The following FGGY variants were observed in gnomAD, a reference collection of about 807,000 sequenced individuals.
The protein encoded by FGGY is FGGY carbohydrate kinase domain containing.
In FGGY, 72 loss-of-function variants were observed where a neutral mutation model predicts 71.3. The ratio of observed to expected loss-of-function variants is 1.01; its 90% confidence interval spans 0.84 to 1.23. The LOEUF is 1.23. FGGY is among the 50% of genes most tolerant of loss of function. FGGY has a pLI of 0.00. For missense variants in FGGY, 668 were observed against 682.3 expected (o/e 0.98, Z 0.23); for synonymous variants, 251 against 250.3 (o/e 1.00, Z -0.02).
intron 15 of FGGY, among the ~76,000 whole-genome samples, chr1:59,762,092 G>A (rs1291853997): frequency 1.4e-5 from 2 of 143,204 alleles, no homozygotes; most frequent in Non-Finnish European, 3.0e-5. Flanking sequence ...TTTTGATGGA[G>A]TCTGGCTCTT....
At chr1:59,727,760 A>G (rs528680396) in intron 14 of FGGY, among the ~76,000 whole-genome samples, 52 of 152,312 alleles carry the variant, frequency 3.4e-4, no homozygotes, top group Admixed American at 4.6e-4. Context: ...AGCAAAAAGA[A>G]CAAGGCCAGA....
chr1:59,590,488 A>G (rs1192112514), intron 8 of FGGY, among the ~76,000 whole-genome samples: 1 of 152,174 alleles, frequency 6.6e-6, no homozygotes, highest in Admixed American at 6.5e-5. Context: ...ACAACCAAAA[A>G]AGAGAATTTT....
chr1:59,307,148 C>G (rs527456790), intron 1 of FGGY, among the ~76,000 whole-genome samples: 1 of 151,958 alleles, frequency 6.6e-6, no homozygotes, highest in East Asian at 1.9e-4. Context: ...AACACCATCT[C>G]TATAAAAAAT....
At chr1:59,472,187 G>A (rs535350489) in intron 6 of FGGY, among the ~76,000 whole-genome samples, 1 of 152,334 alleles carries the variant, frequency 6.6e-6, no homozygotes, top group East Asian at 1.9e-4. Context: ...CGTGAGTTCC[G>A]GGTGGGTGTG....
intron 10 of FGGY, among the ~76,000 whole-genome samples, chr1:59,635,549 C>CA (rs34529086): frequency 0.012 from 1,570 of 131,072 alleles, 23 homozygotes; most frequent in African/African-American, 0.034. Flanking sequence ...CATGCGTTTC[C>CA]AAAAAAAAAA....
chr1:59,463,877 G>A (rs567486329), intron 6 of FGGY, among the ~76,000 whole-genome samples: 2 of 152,248 alleles, frequency 1.3e-5, no homozygotes, highest in Non-Finnish European at 2.9e-5. Flanking sequence ...AGTGCTTAGA[G>A]ACCTACAAAG....
intron 4 of FGGY, among the ~76,000 whole-genome samples, chr1:59,357,443 T>A (rs982961556): frequency 6.6e-6 from 1 of 152,196 alleles, no homozygotes; most frequent in African/African-American, 2.4e-5. Flanking sequence ...TATTACTACT[T>A]CTCACATTTT....
At chr1:59,502,173 C>G (rs1433127849) in intron 6 of FGGY, among the ~76,000 whole-genome samples, 1 of 152,224 alleles carries the variant, frequency 6.6e-6, no homozygotes, top group African/African-American at 2.4e-5. Context: ...CCATCCAAGC[C>G]TGTCCACCCC....
chr1:59,663,243 G>T (rs988541861), intron 12 of FGGY, among the ~76,000 whole-genome samples: 8 of 152,126 alleles, frequency 5.3e-5, no homozygotes, highest in Admixed American at 3.9e-4. Flanking sequence ...GCTAGAGTAT[G>T]GTAGTTGGAA....
intron 9 of FGGY, among the ~76,000 whole-genome samples, chr1:59,610,724 C>G (rs372311286): frequency 6.6e-6 from 1 of 152,188 alleles, no homozygotes; most frequent in Non-Finnish European, 1.5e-5. Flanking sequence ...CATCGCCTCA[C>G]CCGGGAAGCA....
At chr1:59,731,494 C>A (rs2098028604) in intron 14 of FGGY, among the ~76,000 whole-genome samples, 1 of 152,078 alleles carries the variant, frequency 6.6e-6, no homozygotes, top group Admixed American at 6.5e-5. Context: ...TCTGAAGGAG[C>A]CCAGATTTTC....
intron 8 of FGGY, among the ~76,000 whole-genome samples, chr1:59,574,407 C>T (rs538020584): frequency 2.9e-4 from 44 of 152,296 alleles, no homozygotes; most frequent in African/African-American, 1.0e-3. Flanking sequence ...ATTGTCTCCT[C>T]ATGTCAGGAT....
intron 14 of FGGY, among the ~76,000 whole-genome samples, chr1:59,741,080 T>G (rs2098143002): frequency 6.6e-6 from 1 of 152,226 alleles, no homozygotes; most frequent in Admixed American, 6.5e-5. Flanking sequence ...TTAAAATTAC[T>G]TGTGTAAATC....
At chr1:59,561,857 A>AAG (rs2153719617) in intron 8 of FGGY, among the ~76,000 whole-genome samples, 1 of 152,308 alleles carries the variant, frequency 6.6e-6, no homozygotes, top group Admixed American at 6.5e-5. Flanking sequence ...GAGGAAAGGG[A>AAG]GAACAGACTC....
intron 6 of FGGY, chr1:59,473,990 T>G (rs1382121883): frequency 6.6e-6 from 1 of 152,192 alleles, no homozygotes; most frequent in Non-Finnish European, 1.5e-5. Flanking sequence ...GGCAGTGTGG[T>G]TTACGAAGCC....
intron 14 of FGGY, among the ~76,000 whole-genome samples, chr1:59,735,987 A>G (rs1040820133): frequency 3.3e-5 from 5 of 152,084 alleles, no homozygotes; most frequent in Non-Finnish European, 5.9e-5. Context: ...GTTGTGGGAG[A>G]GACCCAGTGG....
At chr1:59,547,834 T>C (rs1468863510) in intron 7 of FGGY, among the ~76,000 whole-genome samples, 1 of 152,234 alleles carries the variant, frequency 6.6e-6, no homozygotes, top group Non-Finnish European at 1.5e-5. Flanking sequence ...TGATTAAATG[T>C]GCTATTGTTA....
chr1:59,424,727 G>C lies in FGGY; in HGVS notation c.555-32234G>C, dbSNP rs896932259. Among the ~76,000 whole-genome samples the C allele has an allele frequency of 2.0e-5, 3 of 152,054 alleles. No homozygotes were observed. The East Asian group carries it at 5.8e-4, about 29-fold the overall frequency. On this transcript the variant is annotated intron_variant, in intron 5 of 15. Coordinates refer to ENST00000303721, the MANE Select transcript of FGGY (RefSeq NM_018291.5). Reference sequence around the variant, plus strand: ...TCTTGGCAATTATGTCTTCACACTTGGCATACAGTCAGTTTTCAAGATATG... The same window carrying C: ...TCTTGGCAATTATGTCTTCACACTTCGCATACAGTCAGTTTTCAAGATATG...
At chr1:59,567,483 G>T (rs908935012) in intron 8 of FGGY, among the ~76,000 whole-genome samples, 4 of 152,094 alleles carry the variant, frequency 2.6e-5, no homozygotes, top group African/African-American at 9.7e-5. Context: ...AGATGCTTTT[G>T]AATGAATGAT....
Sources: gnomAD v4.1 joint callset for allele counts (sites outside exome capture counted in the v4.1 genomes callset) on GRCh38, gnomAD v4.1.1 for gene constraint, MANE v1.5 for transcripts, NCBI Gene and HGNC (gene_info 2026-07-23, HGNC 2026-07-21) for gene names.